The following DNMT3B variants were observed in gnomAD, a reference collection of about 807,000 sequenced individuals.
DNMT3B encodes DNA methyltransferase 3 beta, also known as DNA (cytosine-5)-methyltransferase 3B.
DNMT3B carries 37 observed loss-of-function variants against 120.2 expected under a neutral mutation model. That is an observed-to-expected ratio of 0.31 (90% CI 0.24 to 0.40). The LOEUF is 0.40. Ranked by LOEUF, DNMT3B falls within the 10% of genes least tolerant of loss-of-function variation. The pLI is 1.00. For missense variants in DNMT3B, 878 were observed against 1,137.3 expected (o/e 0.77, Z 3.28); for synonymous variants, 412 against 442.8 (o/e 0.93, Z 0.87).
At chr20:32,794,535 A>AG (rs1980387622) in intron 10 of DNMT3B, among the ~76,000 whole-genome samples, 1 of 151,942 alleles carries the variant, frequency 6.6e-6, no homozygotes, top group African/African-American at 2.4e-5. Flanking sequence ...AAAATTAGCC[A>AG]GGTGTGGTGC....
At chr20:32,785,885 T>TC (rs3080497) in intron 4 of DNMT3B, among the ~76,000 whole-genome samples, 1 of 133,462 alleles carries the variant, frequency 7.5e-6, no homozygotes, top group African/African-American at 3.9e-5. Flanking sequence ...TTTCTTTCTT[T>TC]TTTTTTCTTT....
intron 8 of DNMT3B, among the ~76,000 whole-genome samples, chr20:32,792,213 G>A (rs1464090156): frequency 6.6e-6 from 1 of 152,078 alleles, no homozygotes; most frequent in Non-Finnish European, 1.5e-5. Flanking sequence ...CTTCATGTAG[G>A]ACACAAGTTA....
chr20:32,787,459 C>T lies in DNMT3B; in HGVS notation c.654+8C>T, dbSNP rs191907049. 1.5e-5 allele frequency: 24 copies of T among 1,611,660 alleles called. No individual in the cohort carries two copies. Among genetic ancestry groups the T allele is most frequent in the East Asian group, 2.2e-5 (1 of 44,824 alleles). ...GACAGTTCAGAGTATCAGGTATGGCCGAGAGGGGCTCCTGCCCAGGGTGAC... is the reference window on the plus strand; with the variant it reads ...GACAGTTCAGAGTATCAGGTATGGCTGAGAGGGGCTCCTGCCCAGGGTGAC... On this transcript the variant is annotated splice_region_variant and intron_variant, in intron 6 of 22. Coordinates refer to ENST00000328111, the MANE Select transcript of DNMT3B (RefSeq NM_006892.4).
chr20:32,777,488 T>C (rs1409030964), intron 1 of DNMT3B, among the ~76,000 whole-genome samples: 1 of 152,136 alleles, frequency 6.6e-6, no homozygotes, highest in Non-Finnish European at 1.5e-5. Flanking sequence ...CCCCAGGCCC[T>C]GGATGAAGGC....
chr20:32,808,024 C>A lies in DNMT3B; in HGVS notation c.*121C>A. ...GCTGTGTGGGTCATACCGTGTACCT[C>A]AGTTCCCTCTTGCTCAGTGGGGGCA... On this transcript the variant is annotated 3_prime_UTR_variant, in exon 23 of 23. Coordinates refer to ENST00000328111, the MANE Select transcript of DNMT3B (RefSeq NM_006892.4). 1 of 1,554,502 alleles carries A rather than the reference C, an allele frequency of 6.4e-7. No individual in the cohort carries two copies. Among genetic ancestry groups the A allele is most frequent in the Non-Finnish European group, 8.8e-7 (1 of 1,141,726 alleles).
At chr20:32,786,711 G>T in intron 5 of DNMT3B, 84 bp downstream of exon 5, 3 of 1,599,528 alleles carry the variant, frequency 1.9e-6, no homozygotes, top group Non-Finnish European at 2.6e-6. Context: ...GGTTGTGGCT[G>T]GTAGATAATC....
chr20:32,780,823 G>A (rs1284429909), intron 2 of DNMT3B, among the ~76,000 whole-genome samples: 1 of 152,170 alleles, frequency 6.6e-6, no homozygotes, highest in Non-Finnish European at 1.5e-5. Context: ...GGGGAGGTCT[G>A]GAGTGTGCTT....
At chr20:32,776,850 A>T (rs1015065204) in intron 1 of DNMT3B, among the ~76,000 whole-genome samples, 2 of 152,028 alleles carry the variant, frequency 1.3e-5, no homozygotes, top group Non-Finnish European at 2.9e-5. Context: ...CAGGAGGTGT[A>T]GGGAGTTGGG....
intron 1 of DNMT3B, among the ~76,000 whole-genome samples, chr20:32,765,754 T>A (rs1417522088): frequency 9.6e-6 from 1 of 104,580 alleles, no homozygotes; most frequent in African/African-American, 7.8e-5. Context: ...TTTTTTCTTT[T>A]TTTCTTTTTT....
intron 9 of DNMT3B, 70 bp from the exon 10 acceptor site, chr20:32,793,466 T>C: frequency 1.3e-6 from 2 of 1,557,954 alleles, no homozygotes; most frequent in East Asian, 4.5e-5. Context: ...AGACCTTGTC[T>C]CAAAAAAGAA....
At chr20:32,780,201 C>A (rs999480396) in intron 1 of DNMT3B, 117 bp from the exon 2 acceptor site, 7 of 1,612,862 alleles carry the variant, frequency 4.3e-6, no homozygotes, top group Non-Finnish European at 4.2e-6. Flanking sequence ...AAGAGCATCA[C>A]CCTAAGAATG....
chr20:32,800,826 C>G lies in DNMT3B; in HGVS notation c.1906-9C>G, dbSNP rs1981244645. The G allele has an allele frequency of 1.9e-6, 3 of 1,613,926 alleles. No individual in the cohort carries two copies. The highest frequency in any genetic ancestry group is 1.3e-5 in the African/African-American group (1 of 75,054). Reference sequence around the variant, plus strand: ...ACACCCTCATCCTGACTCTGTCTCTCTCTTTCAGATTGAAGAATGGGGCCC... The same window carrying G: ...ACACCCTCATCCTGACTCTGTCTCTGTCTTTCAGATTGAAGAATGGGGCCC... On this transcript the variant is annotated splice_polypyrimidine_tract_variant and intron_variant, in intron 17 of 22. Coordinates refer to ENST00000328111, the MANE Select transcript of DNMT3B (RefSeq NM_006892.4).
chr20:32,764,407 G>A (rs1987173000), intron 1 of DNMT3B, among the ~76,000 whole-genome samples: 1 of 152,174 alleles, frequency 6.6e-6, no homozygotes, highest in Non-Finnish European at 1.5e-5. Flanking sequence ...GAGTGTTGAT[G>A]TCTGTACTTA....
chr20:32,773,071 G>A (rs1458403504), intron 1 of DNMT3B, among the ~76,000 whole-genome samples: 5 of 151,426 alleles, frequency 3.3e-5, no homozygotes, highest in Admixed American at 6.6e-5. Context: ...CGCCCTCCTC[G>A]GCCTCCCAAA....
intron 1 of DNMT3B, among the ~76,000 whole-genome samples, chr20:32,763,092 C>A (rs1204313158): frequency 2.0e-5 from 3 of 152,108 alleles, no homozygotes; most frequent in Non-Finnish European, 4.4e-5. Flanking sequence ...AGGGGCTTTG[C>A]TCATGGGCAG....
rs1365741815 is a variant in DNMT3B, at chr20:32,762,532, G to A, written c.-174G>A. 3 of 330,206 alleles carry A rather than the reference G, an allele frequency of 9.1e-6. No individual in the cohort carries two copies. The highest frequency in any genetic ancestry group is 1.3e-4 in the East Asian group (1 of 7,442). 20.5% of individuals were successfully genotyped at this position (330,206 alleles called of 1,614,324 possible). ...GGTCGGGCGAGCGGGCGGCAACGCT[G>A]CCCGGCCGGCAGCGCTGGGGTTAAG... On this transcript the variant is annotated 5_prime_UTR_variant, in exon 1 of 23. Coordinates refer to ENST00000328111, the MANE Select transcript of DNMT3B (RefSeq NM_006892.4).
At chr20:32,806,451 G>A (rs1261923709) in intron 22 of DNMT3B, 124 bp downstream of exon 22, 13 of 900,630 alleles carry the variant, frequency 1.4e-5, no homozygotes, top group Admixed American at 1.1e-4. Context: ...GGGGCGAGGA[G>A]TAATAATACC....
intron 3 of DNMT3B, among the ~76,000 whole-genome samples, chr20:32,783,083 C>T (rs556122246): frequency 1.3e-5 from 2 of 152,218 alleles, no homozygotes. Context: ...GACCACCATA[C>T]CCAGCCAATT....
At chr20:32,806,835 T>C (rs1203395594) in intron 22 of DNMT3B, among the ~76,000 whole-genome samples, 1 of 152,236 alleles carries the variant, frequency 6.6e-6, no homozygotes, top group Non-Finnish European at 1.5e-5. Context: ...ATTTTGCTTA[T>C]ACTATTTTTT....
Sources: gnomAD v4.1 joint callset for allele counts (sites outside exome capture counted in the v4.1 genomes callset) on GRCh38, gnomAD v4.1.1 for gene constraint, MANE v1.5 for transcripts, NCBI Gene and HGNC (gene_info 2026-07-23, HGNC 2026-07-21) for gene names.